Variants in RAPGEF2 observed in about 807,000 individuals in gnomAD.
RAPGEF2 encodes PDZ domain containing guanine nucleotide exchange factor (GEF) 1.
A neutral mutation model predicts 186.7 loss-of-function variants in RAPGEF2; 54 were observed. The ratio of observed to expected loss-of-function variants is 0.29; its 90% CI spans 0.23 to 0.36. The LOEUF is 0.36. RAPGEF2 is among the 10% of genes least tolerant of loss of function. The pLI is 1.00. For missense variants in RAPGEF2, 1,532 were observed against 2,045.0 expected, an observed-to-expected ratio of 0.75 and a Z score of 4.84; for synonymous variants, 712 against 705.9, an observed-to-expected ratio of 1.01 and a Z score of -0.14.
At chr4:159,220,983 A>G (rs1751482441) in intron 4 of RAPGEF2, among the ~76,000 whole-genome samples, 1 of 152,222 alleles carries the variant, frequency 6.6e-6, no homozygotes, top group Non-Finnish European at 1.5e-5. Flanking sequence ...AAAACCAGGG[A>G]AAAGAATGAG....
At chr4:159,160,663 A>G (rs1744615592) in intron 1 of RAPGEF2, among the ~76,000 whole-genome samples, 2 of 151,100 alleles carry the variant, frequency 1.3e-5, no homozygotes, top group African/African-American at 4.9e-5. Context: ...CTTTTTCTGT[A>G]TGTAGCAAAC....
chr4:159,319,769 G>GT (rs1282555803), intron 9 of RAPGEF2, among the ~76,000 whole-genome samples: 3,186 of 145,964 alleles, frequency 0.022, 118 homozygotes, highest in African/African-American at 0.069. Flanking sequence ...CTATCCTGTG[G>GT]TTTTTTTTTT....
Position 159,314,830 on chromosome 4 carries a change from T to G in RAPGEF2, c.853+62T>G, listed in dbSNP as rs1160741217. On this transcript the variant is annotated intron_variant, in intron 9 of 29. Transcript: ENST00000691494. ...AAAAAGATTTAGTGGCAAAATTGTCTGATGAAATAGAGCCCAAGACTAGTA... is the reference window on the plus strand; with the variant it reads ...AAAAAGATTTAGTGGCAAAATTGTCGGATGAAATAGAGCCCAAGACTAGTA... 23 of 1,460,048 alleles carry G rather than the reference T, an allele frequency of 1.6e-5. No homozygotes were observed. In the South Asian group the frequency reaches 2.9e-4, roughly 18 times the overall value. 90.4% of individuals were successfully genotyped at this position (1,460,048 alleles called of 1,614,324 possible).
chr4:159,285,720 A>T (rs190149725), intron 7 of RAPGEF2, among the ~76,000 whole-genome samples: 95 of 152,270 alleles, frequency 6.2e-4, no homozygotes, highest in African/African-American at 2.0e-3. Flanking sequence ...CCTTTTATCT[A>T]CTTACCCCAT....
intron 1 of RAPGEF2, among the ~76,000 whole-genome samples, chr4:159,165,596 C>T (rs1745219091): frequency 6.6e-6 from 1 of 152,138 alleles, no homozygotes; most frequent in South Asian, 2.1e-4. Flanking sequence ...GGATACTGGA[C>T]ATCAGATTGT....
chr4:159,324,335 G>A (rs953532284), intron 11 of RAPGEF2, among the ~76,000 whole-genome samples: 2 of 152,074 alleles, frequency 1.3e-5, no homozygotes, highest in Non-Finnish European at 2.9e-5. Flanking sequence ...GCACCAATAG[G>A]ATTTTAATGT....
At chr4:159,136,093 C>T (rs1741691206) in intron 1 of RAPGEF2, among the ~76,000 whole-genome samples, 1 of 152,174 alleles carries the variant, frequency 6.6e-6, no homozygotes, top group African/African-American at 2.4e-5. Context: ...AGATTTTCCA[C>T]TAATGTTTTC....
intron 7 of RAPGEF2, among the ~76,000 whole-genome samples, chr4:159,255,837 A>T (rs139360993): frequency 8.7e-4 from 132 of 152,268 alleles, no homozygotes; most frequent in African/African-American, 3.0e-3. Flanking sequence ...GAGTTTAGTG[A>T]TATATACTTT....
rs1732320006 is a variant in RAPGEF2 at position 159,358,148 on chromosome 4, C to T, written c.*9C>T. On this transcript the variant is annotated 3_prime_UTR_variant, in exon 30 of 30. Coordinates refer to ENST00000691494, the MANE Select transcript of RAPGEF2 (RefSeq NM_001394067.2). ...AAGTTTCTGCTGTTTGAGGCACAGA[C>T]TTTTCTGGAAGCAGAGCGAGCCACC... The T allele has an allele frequency of 1.9e-6, 3 of 1,610,836 alleles. No individual in the cohort carries two copies. The highest frequency in any genetic ancestry group is 3.4e-5 in the Admixed American group (2 of 59,476).
intron 1 of RAPGEF2, among the ~76,000 whole-genome samples, chr4:159,172,848 C>T (rs995284015): frequency 6.6e-6 from 1 of 152,140 alleles, no homozygotes. Context: ...TCTGATTCTT[C>T]TTTGAAATTC....
chr4:159,320,968 G>A (rs1013927001), intron 9 of RAPGEF2, among the ~76,000 whole-genome samples: 4 of 151,796 alleles, frequency 2.6e-5, no homozygotes, highest in African/African-American at 4.8e-5. Flanking sequence ...TCTGTGCCAC[G>A]GACTTTTATC....
At chr4:159,142,632 A>G (rs941747842) in intron 1 of RAPGEF2, among the ~76,000 whole-genome samples, 1 of 152,136 alleles carries the variant, frequency 6.6e-6, no homozygotes, top group Admixed American at 6.5e-5. Context: ...AATGTCAAAG[A>G]AATAAAAATA....
At chr4:159,258,533 T>C (rs1756448457) in intron 7 of RAPGEF2, among the ~76,000 whole-genome samples, 1 of 152,224 alleles carries the variant, frequency 6.6e-6, no homozygotes, top group South Asian at 2.1e-4. Context: ...AATGCGTCCA[T>C]TTATAATTAC....
At chr4:159,256,636 A>G (rs559109546) in intron 7 of RAPGEF2, among the ~76,000 whole-genome samples, 2 of 152,226 alleles carry the variant, frequency 1.3e-5, no homozygotes, top group South Asian at 4.1e-4. Flanking sequence ...GTCTTCCACA[A>G]TTATTGAACT....
chr4:159,238,430 T>C (rs897776284), intron 4 of RAPGEF2, among the ~76,000 whole-genome samples: 1 of 152,206 alleles, frequency 6.6e-6, no homozygotes, highest in African/African-American at 2.4e-5. Context: ...ATGCATTTTA[T>C]ACTTCTTTGG....
At chr4:159,330,109 T>C in intron 12 of RAPGEF2, 99 bp downstream of exon 12, 1 of 1,255,432 alleles carries the variant, frequency 8.0e-7, no homozygotes, top group African/African-American at 1.5e-5. Flanking sequence ...GCCTATCTCT[T>C]AAAGGTTATC....
rs1731471726 is a variant in RAPGEF2 at position 159,353,337 on chromosome 4, C to T, written c.4092-150C>T. 1.1e-5 allele frequency: 6 copies of T among 548,106 alleles called. No individual in the cohort carries two copies. Among genetic ancestry groups the T allele is most frequent in the Admixed American group, 3.8e-5 (1 of 26,250 alleles). The allele number at this position is 548,106 out of a possible 1,614,324, so 34.0% of individuals were successfully genotyped here. ...GAAGGCTAGACATGGCAGAACTGGCCAATATAAGGCAATTCAGTGCTACTT... is the reference window on the plus strand; with the variant it reads ...GAAGGCTAGACATGGCAGAACTGGCTAATATAAGGCAATTCAGTGCTACTT... On this transcript the variant is annotated intron_variant, in intron 27 of 29. Transcript: ENST00000691494. This position sits in a 1 kb window ranked among gnomAD's most constrained non-coding sequence, Gnocchi z 4.3.
intron 1 of RAPGEF2, among the ~76,000 whole-genome samples, chr4:159,110,004 G>A (rs562303528): frequency 6.6e-6 from 1 of 152,332 alleles, no homozygotes; most frequent in East Asian, 1.9e-4. Context: ...ATTACACAGT[G>A]GTGATGGATT....
At chr4:159,341,308 A>G (rs1427816409) in intron 19 of RAPGEF2, among the ~76,000 whole-genome samples, 1 of 152,250 alleles carries the variant, frequency 6.6e-6, no homozygotes, top group Non-Finnish European at 1.5e-5. Flanking sequence ...CAGGAAAAGA[A>G]AGGATAGAAA....
Sources: gnomAD v4.1 joint callset for allele counts (sites outside exome capture counted in the v4.1 genomes callset) on GRCh38, gnomAD v4.1.1 for gene constraint, Gnocchi (gnomAD v3.1) non-coding constraint, MANE v1.5 for transcripts, NCBI Gene and HGNC (gene_info 2026-07-23, HGNC 2026-07-21) for gene names.